Variants in COL25A1 observed in about 807,000 individuals in gnomAD.
The protein encoded by COL25A1 is collagen type XXV alpha 1 chain.
In COL25A1, 103 loss-of-function variants were observed where a neutral mutation model predicts 128.4. The ratio of observed to expected loss-of-function variants is 0.80; its 90% confidence interval spans 0.68 to 0.94. COL25A1 has a LOEUF of 0.94. Among genes scored for constraint, COL25A1 ranks in the 40% least tolerant of loss-of-function variants. COL25A1 has a pLI of 0.00. For missense variants in COL25A1, 745 were observed against 840.0 expected (o/e 0.89, Z 1.40); for synonymous variants, 279 against 277.2 (o/e 1.01, Z -0.06).
chr4:109,178,909 C>A (rs1374146637), intron 3 of COL25A1, among the ~76,000 whole-genome samples: 1 of 149,782 alleles, frequency 6.7e-6, no homozygotes, highest in African/African-American at 2.5e-5. Flanking sequence ...TTTTGAGACT[C>A]AAACCAAATG....
chr4:108,844,502 A>G lies in COL25A1; in HGVS notation c.1629+17T>C. 6.2e-7 allele frequency: 1 copy of G among 1,614,110 alleles called. No individual in the cohort carries two copies. Among genetic ancestry groups the G allele is most frequent in the Non-Finnish European group, 8.5e-7 (1 of 1,179,996 alleles). On this transcript the variant is annotated intron_variant, in intron 30 of 37. Coordinates refer to ENST00000399132, the MANE Select transcript of COL25A1 (RefSeq NM_198721.4). Reference sequence around the variant, plus strand: ...TCATAAATAAGCAATTACATTTCAGAAAGAAGGGAAACTTACCATGGGGCC... The same window carrying G: ...TCATAAATAAGCAATTACATTTCAGGAAGAAGGGAAACTTACCATGGGGCC...
intron 3 of COL25A1, among the ~76,000 whole-genome samples, chr4:109,216,381 T>C (rs917320483): frequency 1.3e-5 from 2 of 152,164 alleles, no homozygotes; most frequent in Admixed American, 6.6e-5. Context: ...AAAATGCTTA[T>C]GGGTTGAATT....
At chr4:109,250,968 A>G (rs1780606521) in intron 3 of COL25A1, among the ~76,000 whole-genome samples, 1 of 152,194 alleles carries the variant, frequency 6.6e-6, no homozygotes. Context: ...AAAACACATT[A>G]ATCCTTTCTG....
intron 32 of COL25A1, among the ~76,000 whole-genome samples, chr4:108,829,216 A>C (rs550544473): frequency 6.6e-6 from 1 of 152,284 alleles, no homozygotes; most frequent in East Asian, 1.9e-4. Flanking sequence ...AGTCCCTTTA[A>C]GAATGGAGCA....
At chr4:108,889,657 A>C in intron 17 of COL25A1, 44 bp downstream of exon 17, 31 of 1,578,972 alleles carry the variant, frequency 2.0e-5, no homozygotes, top group Non-Finnish European at 2.7e-5. Flanking sequence ...TAAAAATCAG[A>C]ACTGTAACTC....
At chr4:108,941,512 A>G in intron 8 of COL25A1, 75 bp from the exon 9 acceptor site, 1 of 1,042,760 alleles carries the variant, frequency 9.6e-7, no homozygotes, top group Non-Finnish European at 1.5e-6. Context: ...GAAGGCCCCA[A>G]GAAAGAAATA....
chr4:108,932,302 C>T (rs186113995), intron 11 of COL25A1, among the ~76,000 whole-genome samples: 6 of 152,252 alleles, frequency 3.9e-5, no homozygotes, highest in South Asian at 2.1e-4. Flanking sequence ...TTCATGCTTA[C>T]GTTATTAACT....
chr4:108,835,175 G>A (rs1216321682), intron 31 of COL25A1, among the ~76,000 whole-genome samples: 1 of 152,116 alleles, frequency 6.6e-6, no homozygotes, highest in Non-Finnish European at 1.5e-5. Flanking sequence ...TGAACTCTAG[G>A]CTACAAATAA....
chr4:108,996,878 T>C (rs1028276314), intron 6 of COL25A1, among the ~76,000 whole-genome samples: 2 of 152,166 alleles, frequency 1.3e-5, no homozygotes, highest in Non-Finnish European at 2.9e-5. Flanking sequence ...GAATGACTAC[T>C]GGGTAAACAA....
chr4:108,992,014 GAAAAGGCAA>G lies in COL25A1; in HGVS notation c.439-17464_439-17456del, dbSNP rs1754278989. Among the ~76,000 whole-genome samples, 6 of 152,254 alleles carry G rather than the reference GAAAAGGCAA, an allele frequency of 3.9e-5. No individual in the cohort carries two copies. The South Asian group carries it at 1.2e-3, about 32-fold the overall frequency. ...GAAGGAAGCAAAGAAAGATTTGGGG[GAAAAGGCAA>G]AGTGACATCCTCCACTTCTTTTCAA... On this transcript the variant is annotated intron_variant, in intron 6 of 37. Transcript: ENST00000399132.
intron 3 of COL25A1, among the ~76,000 whole-genome samples, chr4:109,274,107 T>C (rs1311012315): frequency 6.6e-6 from 1 of 152,174 alleles, no homozygotes; most frequent in Non-Finnish European, 1.5e-5. Flanking sequence ...AAATCAATCT[T>C]GGATGGTGTC....
intron 32 of COL25A1, among the ~76,000 whole-genome samples, chr4:108,829,515 A>G (rs2125724292): frequency 6.6e-6 from 1 of 152,282 alleles, no homozygotes; most frequent in African/African-American, 2.4e-5. Context: ...GAGGAGCCAC[A>G]TAAACTGGAC....
chr4:108,839,650 G>A (rs1734196787), intron 31 of COL25A1, among the ~76,000 whole-genome samples: 1 of 152,200 alleles, frequency 6.6e-6, no homozygotes, highest in South Asian at 2.1e-4. Context: ...AACTAGCTGT[G>A]TAATTAGGGG....
intron 11 of COL25A1, among the ~76,000 whole-genome samples, chr4:108,926,021 T>A (rs185980679): frequency 6.6e-6 from 1 of 152,156 alleles, no homozygotes; most frequent in Non-Finnish European, 1.5e-5. Flanking sequence ...TCTGTGACCA[T>A]TATGTGTTGG....
chr4:109,121,898 T>C (rs1219427363), intron 3 of COL25A1, among the ~76,000 whole-genome samples: 1 of 152,054 alleles, frequency 6.6e-6, no homozygotes, highest in Non-Finnish European at 1.5e-5. Flanking sequence ...GGTGAAAGGA[T>C]AAACTGTGAT....
intron 3 of COL25A1, among the ~76,000 whole-genome samples, chr4:109,207,395 G>C (rs1007670974): frequency 4.6e-5 from 7 of 152,116 alleles, no homozygotes; most frequent in Non-Finnish European, 2.9e-5. Context: ...GGTAATATCA[G>C]AGCTGGAGTG....
At chr4:109,012,767 G>A (rs545276955) in intron 5 of COL25A1, among the ~76,000 whole-genome samples, 141 of 152,314 alleles carry the variant, frequency 9.3e-4, no homozygotes, top group Non-Finnish European at 1.7e-3. Context: ...TCTGCAGTGG[G>A]CTCCCATGTG....
chr4:108,813,822 T>A lies in COL25A1; in HGVS notation c.*105A>T, dbSNP rs1051219276. ...CTGCCAGCAGGAAGAAGCAGCCCTATGTAAACATATCTCAGACTTGTAAAA... is the reference window on the plus strand; with the variant it reads ...CTGCCAGCAGGAAGAAGCAGCCCTAAGTAAACATATCTCAGACTTGTAAAA... On this transcript the variant is annotated 3_prime_UTR_variant, in exon 38 of 38. Transcript: ENST00000399132. The A allele has an allele frequency of 1.3e-5, 11 of 877,804 alleles. No homozygotes were observed. In the African/African-American group the frequency reaches 1.5e-4, roughly 12 times the overall value. The allele number at this position is 877,804 out of a possible 1,614,324, so 54.4% of individuals were successfully genotyped here. A position where few individuals can be genotyped will look rare whatever the true frequency, so the allele number is the denominator to read the frequency against.
intron 5 of COL25A1, among the ~76,000 whole-genome samples, chr4:109,032,716 G>A (rs746869478): frequency 7.1e-4 from 108 of 152,220 alleles, no homozygotes; most frequent in Non-Finnish European, 2.6e-4. Flanking sequence ...ATTGAGACAG[G>A]AAATGTAGCT....
Sources: allele counts gnomAD v4.1 joint callset (sites outside exome capture counted in the v4.1 genomes callset), GRCh38; gene constraint gnomAD v4.1.1; transcripts MANE v1.5; gene names NCBI Gene and HGNC (gene_info 2026-07-23, HGNC 2026-07-21).